COLQ: variants seen among roughly 807,000 people sequenced by gnomAD.
COLQ encodes acetylcholinesterase collagenic tail peptide.
COLQ carries 48 observed loss-of-function variants against 69.0 expected under a neutral mutation model. The observed-to-expected ratio is 0.70, with a 90% CI of 0.55 to 0.88. The LOEUF (loss-of-function observed/expected upper bound fraction) is 0.88. COLQ is among the 40% of genes least tolerant of loss of function. The probability of loss-of-function intolerance (pLI) is 0.00; values close to 1 mark genes in which losing one functional copy is unlikely to be tolerated. For synonymous variants in COLQ, 217 were observed against 211.2 expected, an observed-to-expected ratio of 1.03 and a Z score of -0.24; for missense variants, 618 against 594.6, an observed-to-expected ratio of 1.04 and a Z score of -0.41.
At chr3:15,496,022 C>T (rs1278303531) in intron 1 of COLQ, among the ~76,000 whole-genome samples, 1 of 152,216 alleles carries the variant, frequency 6.6e-6, no homozygotes, top group East Asian at 1.9e-4. Context: ...CATTATTTTT[C>T]CAGACCATAT....
chr3:15,470,989 C>T (rs1035958583), intron 10 of COLQ, among the ~76,000 whole-genome samples: 4 of 152,204 alleles, frequency 2.6e-5, no homozygotes, highest in African/African-American at 7.2e-5. Context: ...TCTGGGAAAA[C>T]GCTTTCCTTC....
chr3:15,477,096 G>T, intron 6 of COLQ, 30 bp downstream of exon 6: 2 of 1,577,110 alleles, frequency 1.3e-6, no homozygotes, highest in Non-Finnish European at 1.7e-6. Context: ...TTTTGACACC[G>T]CATGAGCCCT....
chr3:15,513,627 C>G (rs778501844), intron 1 of COLQ, among the ~76,000 whole-genome samples: 1 of 152,200 alleles, frequency 6.6e-6, no homozygotes, highest in Non-Finnish European at 1.5e-5. Flanking sequence ...TCCCCACTGC[C>G]CTTCTGAGAT....
At chr3:15,521,300 T>C (rs1396028482) in intron 1 of COLQ, among the ~76,000 whole-genome samples, 1 of 152,226 alleles carries the variant, frequency 6.6e-6, no homozygotes, top group East Asian at 1.9e-4. Context: ...AAAGTGTCTC[T>C]GCTTTGAGCA....
chr3:15,479,943 G>T (rs2062449787), intron 3 of COLQ, among the ~76,000 whole-genome samples: 1 of 152,216 alleles, frequency 6.6e-6, no homozygotes, highest in African/African-American at 2.4e-5. Flanking sequence ...ATGTTGGCAA[G>T]TAAAGAGTGC....
intron 1 of COLQ, among the ~76,000 whole-genome samples, chr3:15,509,502 TTG>T (rs1470824206): frequency 6.6e-6 from 1 of 152,194 alleles, no homozygotes. Flanking sequence ...CCTGTGAACT[TTG>T]CTGGTTAGCA....
chr3:15,505,726 A>G (rs2062901335), intron 1 of COLQ, among the ~76,000 whole-genome samples: 1 of 152,236 alleles, frequency 6.6e-6, no homozygotes, highest in African/African-American at 2.4e-5. Flanking sequence ...AGATCTGGCC[A>G]TAGGTCAGAG....
rs113060033 is a variant in COLQ, at chr3:15,462,025, A to G, written c.815-3700T>C. On this transcript the variant is annotated intron_variant, in intron 12 of 16. Coordinates refer to ENST00000383788, the MANE Select transcript of COLQ (RefSeq NM_005677.4). The stretch of plus-strand genomic sequence containing the variant: ...TATTTATTTATTTATTTATTTATTT[A>G]TTTATTTATTTATTTATTTTTGAGA... Among the ~76,000 whole-genome samples the G allele has an allele frequency of 1.6e-3, 91 of 57,488 alleles. No homozygotes were observed. In the East Asian group the frequency reaches 0.016, roughly 10 times the overall value. The allele number at this position is 57,488 out of a possible 152,430, so 37.7% of individuals were successfully genotyped here. A position where few individuals can be genotyped will look rare whatever the true frequency, so the allele number is the denominator to read the frequency against.
At chr3:15,454,517 A>G (rs2061997641) in intron 15 of COLQ, among the ~76,000 whole-genome samples, 1 of 152,132 alleles carries the variant, frequency 6.6e-6, no homozygotes, top group Non-Finnish European at 1.5e-5. Flanking sequence ...CACCAGAGGC[A>G]GAAGGGACTC....
chr3:15,514,552 T>C (rs1046621395), intron 1 of COLQ, among the ~76,000 whole-genome samples: 2 of 152,214 alleles, frequency 1.3e-5, no homozygotes, highest in Non-Finnish European at 2.9e-5. Context: ...CTCTGGACTT[T>C]CATAATGCAA....
At chr3:15,467,197 G>C (rs1266940238) in intron 11 of COLQ, among the ~76,000 whole-genome samples, 3 of 152,254 alleles carry the variant, frequency 2.0e-5, no homozygotes, top group Non-Finnish European at 4.4e-5. Context: ...TGAAATGAGG[G>C]AGGACAAAGA....
intron 13 of COLQ, 21 bp from the exon 14 acceptor site, chr3:15,456,600 G>A: frequency 4.3e-6 from 7 of 1,613,284 alleles, no homozygotes; most frequent in Non-Finnish European, 5.9e-6. Context: ...ACACACTGGT[G>A]AGGATTCCAG....
Position 15,453,710 on chromosome 3 carries a change from G to T in COLQ, c.1298+119C>A. The T allele has an allele frequency of 5.5e-6, 4 of 724,882 alleles. No homozygotes were observed. In the Admixed American group the frequency reaches 6.0e-5, roughly 11 times the overall value. The allele number at this position is 724,882 out of a possible 1,614,324, so 44.9% of individuals were successfully genotyped here. A position where few individuals can be genotyped will look rare whatever the true frequency, so the allele number is the denominator to read the frequency against. ...TTGTGTCATTCATCACCATACCTCA[G>T]TGTCTAGAAGGCACCACAAAGTGGA... On this transcript the variant is annotated intron_variant, in intron 16 of 16. Transcript: ENST00000383788.
chr3:15,475,000 G>A (rs1185273559), intron 7 of COLQ, 49 bp from the exon 8 acceptor site: 7 of 1,591,532 alleles, frequency 4.4e-6, no homozygotes, highest in Non-Finnish European at 5.2e-6. Flanking sequence ...TAGGACTTCT[G>A]AGTTTGGTGG....
chr3:15,454,096 CTGGTCCCACAGCG>C (rs2061990771), intron 15 of COLQ, 165 bp from the exon 16 acceptor site: 1 of 642,770 alleles, frequency 1.6e-6, no homozygotes, highest in African/African-American at 1.8e-5. Flanking sequence ...CCCACAGGCT[CTGGTCCCACAGCG>C]ATGTGCCATG....
At chr3:15,470,693 A>G in intron 10 of COLQ, 77 bp from the exon 11 acceptor site, 2 of 1,350,754 alleles carry the variant, frequency 1.5e-6, no homozygotes, top group Non-Finnish European at 1.1e-6. Flanking sequence ...CTAGCCAGTC[A>G]TTGGCTACGA....
chr3:15,460,287 G>C (rs11923536), intron 12 of COLQ, among the ~76,000 whole-genome samples: 1 of 152,172 alleles, frequency 6.6e-6, no homozygotes, highest in East Asian at 1.9e-4. Flanking sequence ...ACTAATTGGA[G>C]AGAAAAAGTC....
rs559396632 is a variant in COLQ, at chr3:15,510,740, G to T, written c.106+10780C>A. ...CAGGATGGGAGGGGACAGGATGGGA[G>T]GGGACAGGAGGGGAGGGGAACAGAG... On this transcript the variant is annotated intron_variant, in intron 1 of 16. Transcript: ENST00000383788. Among the ~76,000 whole-genome samples, 4 of 140,808 alleles carry T rather than the reference G, an allele frequency of 2.8e-5. No individual in the cohort carries two copies. The South Asian group carries it at 1.0e-3, about 36-fold the overall frequency. 92.4% of individuals were successfully genotyped at this position (140,808 alleles called of 152,430 possible).
chr3:15,470,729 T>C, intron 10 of COLQ, 113 bp from the exon 11 acceptor site: 1 of 1,009,804 alleles, frequency 9.9e-7, no homozygotes, highest in Non-Finnish European at 1.6e-6. Context: ...TCATTCCGAA[T>C]CTATGCCAAC....
Sources: allele counts gnomAD v4.1 joint callset (sites outside exome capture counted in the v4.1 genomes callset), GRCh38; gene constraint gnomAD v4.1.1; transcripts MANE v1.5; gene names NCBI Gene and HGNC (gene_info 2026-07-23, HGNC 2026-07-21).